Variants in KPNA7 observed in about 807,000 individuals in gnomAD.
KPNA7 encodes importin subunit alpha-8.
KPNA7 carries 54 observed loss-of-function variants against 53.7 expected under a neutral mutation model. The observed-to-expected ratio is 1.01, with a 90% confidence interval of 0.81 to 1.26. The LOEUF (loss-of-function observed/expected upper bound fraction) is 1.26, where lower values mean the gene tolerates loss of function less well. Ranked by LOEUF, KPNA7 falls within the 50% of genes most tolerant of loss-of-function variation. The probability of loss-of-function intolerance (pLI) is 0.00; values close to 1 mark genes in which losing one functional copy is unlikely to be tolerated. For synonymous variants in KPNA7, 276 were observed against 259.3 expected, an observed-to-expected ratio of 1.06 and a Z score of -0.62; for missense variants, 640 against 644.5, an observed-to-expected ratio of 0.99 and a Z score of 0.07.
intron 1 of KPNA7, among the ~76,000 whole-genome samples, chr7:99,218,168 T>G (rs929191584): frequency 2.0e-5 from 3 of 152,100 alleles, no homozygotes; most frequent in African/African-American, 7.2e-5. Context: ...CCTGGCTAAT[T>G]TTTTTATTTT....
chr7:99,203,375 A>C lies in KPNA7; in HGVS notation c.67-135T>G. 3 of 799,236 alleles carry C rather than the reference A, an allele frequency of 3.8e-6. No individual in the cohort carries two copies. The South Asian group carries it at 5.5e-5, about 15-fold the overall frequency. The allele number at this position is 799,236 out of a possible 1,614,324, so 49.5% of individuals were successfully genotyped here. Reference sequence around the variant, plus strand: ...CTGGAAAAGTTCAGATCACACAGTTAGTAAATCATCTCAGCTCTGTTTACC... The same window carrying C: ...CTGGAAAAGTTCAGATCACACAGTTCGTAAATCATCTCAGCTCTGTTTACC... On this transcript the variant is annotated intron_variant, in intron 2 of 10. Coordinates refer to ENST00000327442, the MANE Select transcript of KPNA7 (RefSeq NM_001145715.3).
downstream of KPNA7, among the ~76,000 whole-genome samples, chr7:99,169,553 G>A (rs1245429291): frequency 1.3e-5 from 2 of 152,030 alleles, no homozygotes; most frequent in African/African-American, 2.4e-5. Flanking sequence ...GGGAATGGAG[G>A]TTGCAGTGAG....
At chr7:99,165,948 C>A in the KPNA7 span, among the ~76,000 whole-genome samples, 2 of 152,170 alleles carry the variant, frequency 1.3e-5, no homozygotes, top group East Asian at 3.9e-4. Flanking sequence ...AGATTTCCCC[C>A]TTGCTGTTCT....
downstream of KPNA7, among the ~76,000 whole-genome samples, chr7:99,171,572 CA>C (rs1345526529): frequency 1.3e-5 from 2 of 152,070 alleles, no homozygotes; most frequent in Non-Finnish European, 2.9e-5. Flanking sequence ...TTCCCAAAGC[CA>C]AATTAATTAA....
rs544951017 is a variant in KPNA7 at position 99,193,079 on chromosome 7, A to T, written c.576T>A (p.Asp192Glu). ...GGATGGCATTGCTTGTGATGACGTT[A>T]TCTCTGAACTCTGGGCCATCACCTA... ...NIAGDGPEFRDNVITSNAIPH... is the reference protein window; with the variant it reads ...NIAGDGPEFRENVITSNAIPH... The change falls in exon 6 of 11, where the codon GAT becomes GAA. Residue 192 changes from aspartate (D) to glutamate (E), a missense_variant. By Grantham distance (45) the Asp-to-Glu change is conservative (BLOSUM62 2). Transcript: ENST00000327442. The T allele has an allele frequency of 6.6e-7, 1 of 1,504,492 alleles. No homozygotes were observed. Among genetic ancestry groups the T allele is most frequent in the African/African-American group, 1.4e-5 (1 of 70,322 alleles). The allele number at this position is 1,504,492 out of a possible 1,614,324, so 93.2% of individuals were successfully genotyped here.
the KPNA7 span, among the ~76,000 whole-genome samples, chr7:99,156,427 T>G: frequency 6.6e-6 from 1 of 152,134 alleles, no homozygotes; most frequent in Non-Finnish European, 1.5e-5. Flanking sequence ...ATTCTGAAAT[T>G]TCACCGCATT....
chr7:99,194,459 T>A (rs1790126733), intron 5 of KPNA7, among the ~76,000 whole-genome samples: 1 of 152,188 alleles, frequency 6.6e-6, no homozygotes, highest in Non-Finnish European at 1.5e-5. Flanking sequence ...CCACACTGCA[T>A]AAGCCAAAGA....
chr7:99,214,806 G>A (rs1162113833), intron 1 of KPNA7, among the ~76,000 whole-genome samples: 2 of 150,660 alleles, frequency 1.3e-5, no homozygotes, highest in African/African-American at 4.9e-5. Flanking sequence ...TTAACACATG[G>A]GGTGAGATGT....
chr7:99,195,326 G>T lies in KPNA7; in HGVS notation c.297C>A (p.Ser99=), dbSNP rs2150750973. The stretch of plus-strand genomic sequence containing the variant: ...GTTTCAGAGGGGGGTTCTTTTCCTG[G>T]GATAGCATTTTCCTATGCAATGAAA... The part of the protein sequence containing the change: ...QATQTARKML[S]QEKNPPLKLV... The change falls in exon 5 of 11, where the codon TCC becomes TCA. Residue 99 remains serine, a synonymous_variant. Coordinates refer to ENST00000327442, the MANE Select transcript of KPNA7 (RefSeq NM_001145715.3). 5.2e-6 allele frequency: 8 copies of T among 1,551,410 alleles called. No homozygotes were observed. Among genetic ancestry groups the T allele is most frequent in the Non-Finnish European group, 7.0e-6 (8 of 1,146,856 alleles).
In KPNA7 at chr7:99,213,800, G is replaced by A. The variant is rs149344549; in HGVS notation, c.-23-6311C>T. Among the ~76,000 whole-genome samples, 888 of 151,950 alleles carry A rather than the reference G, an allele frequency of 5.8e-3. 10 individuals are homozygous for A. The highest frequency in any genetic ancestry group is 0.02 in the African/African-American group (834 of 41,490). On this transcript the variant is annotated intron_variant, in intron 1 of 10. Transcript: ENST00000681060. ...TAATGTTTTCATTTTTCAGAGATGC[G>A]GTCTTGCTGTGTTGCCCACGCTGTT...
Position 99,177,976 on chromosome 7 carries a change from C to A in KPNA7, c.1408G>T (p.Glu470Ter), listed in dbSNP as rs1798979275. The change falls in exon 10 of 11, where the codon GAG becomes TAG. Residue 470 changes from glutamate to a stop codon, truncating the protein, a stop_gained. Transcript: ENST00000327442. LOFTEE classifies it high-confidence loss of function. ...GCCGACTGGCCAATTTGACGGTTCT[C>A]ATGCAGCTGTAAAGCCTCAATTCTA... The part of the protein sequence containing the change: ...IDRIEALQLH[E>*]NRQIGQSALN... The A allele has an allele frequency of 6.4e-7, 1 of 1,552,038 alleles. No homozygotes were observed. The highest frequency in any genetic ancestry group is 2.0e-5 in the Admixed American group (1 of 50,996).
chr7:99,145,951 G>A, the KPNA7 span, among the ~76,000 whole-genome samples: 1 of 152,168 alleles, frequency 6.6e-6, no homozygotes, highest in South Asian at 2.1e-4. Context: ...AAGAATATAA[G>A]CAATGTTTAA....
upstream of KPNA7, among the ~76,000 whole-genome samples, chr7:99,209,704 AAAAAAAG>A (rs1206673235): frequency 3.5e-5 from 5 of 142,702 alleles, no homozygotes; most frequent in African/African-American, 1.3e-4. Context: ...AAAAAAAAAA[AAAAAAAG>A]AAAAAAATCT....
At chr7:99,191,497 T>G (rs899228987) in intron 6 of KPNA7, among the ~76,000 whole-genome samples, 5 of 152,138 alleles carry the variant, frequency 3.3e-5, no homozygotes, top group African/African-American at 9.7e-5. Context: ...ATCAGACCAC[T>G]CTACTCCCTT....
chr7:99,199,065 GAAAAAA>G lies in KPNA7; in HGVS notation c.202-2905_202-2900del, dbSNP rs67877761. Among the ~76,000 whole-genome samples, 448 of 61,148 alleles carry G rather than the reference GAAAAAA, an allele frequency of 7.3e-3. 2 individuals carry two copies. The Middle Eastern group carries it at 0.16, about 22-fold the overall frequency. 40.1% of individuals were successfully genotyped at this position (61,148 alleles called of 152,430 possible). ...ATCCAAGAGTTATATGCTGCAAACT[GAAAAAA>G]AAAAAAAAAAAAAAAAAGGACTGAA... On this transcript the variant is annotated intron_variant, in intron 3 of 10. Coordinates refer to ENST00000327442, the MANE Select transcript of KPNA7 (RefSeq NM_001145715.3).
chr7:99,178,181 C>A, intron 9 of KPNA7, 115 bp from the exon 10 acceptor site: 1 of 856,534 alleles, frequency 1.2e-6, no homozygotes, highest in Non-Finnish European at 1.8e-6. Flanking sequence ...GGCTACCATT[C>A]CAGAATGGAT....
At chr7:99,147,612 G>A in the KPNA7 span, among the ~76,000 whole-genome samples, 1 of 152,140 alleles carries the variant, frequency 6.6e-6, no homozygotes, top group Non-Finnish European at 1.5e-5. Context: ...CCAACATGGT[G>A]AAACCCCATC....
intron 8 of KPNA7, among the ~76,000 whole-genome samples, chr7:99,183,900 T>C (rs1188802387): frequency 6.6e-6 from 1 of 152,066 alleles, no homozygotes; most frequent in Non-Finnish European, 1.5e-5. Flanking sequence ...GGCTGGAGTA[T>C]AGTGGCATGA....
chr7:99,149,481 A>C, the KPNA7 span, among the ~76,000 whole-genome samples: 1 of 152,248 alleles, frequency 6.6e-6, no homozygotes, highest in Non-Finnish European at 1.5e-5. Context: ...GGCTTAAATC[A>C]TGAATGTAGA....
Sources: allele counts gnomAD v4.1 joint callset (sites outside exome capture counted in the v4.1 genomes callset), GRCh38; gene constraint gnomAD v4.1.1; transcripts MANE v1.5; gene names NCBI Gene and HGNC (gene_info 2026-07-23, HGNC 2026-07-21).